LRMDA: variants seen among roughly 807,000 people sequenced by gnomAD.
The protein encoded by LRMDA is leucine-rich melanocyte differentiation-associated protein.
LRMDA carries 18 observed loss-of-function variants against 29.8 expected under a neutral mutation model. The ratio of observed to expected loss-of-function variants is 0.60; its 90% CI spans 0.42 to 0.90. The LOEUF is 0.90. Among genes scored for constraint, LRMDA ranks in the 40% least tolerant of loss-of-function variants. The probability of loss-of-function intolerance (pLI) is 0.00; values close to 1 mark genes in which losing one functional copy is unlikely to be tolerated. For missense variants in LRMDA, 273 were observed against 273.9 expected (o/e 1.00, Z 0.02); for synonymous variants, 125 against 109.4 (o/e 1.14, Z -0.89).
intron 2 of LRMDA, among the ~76,000 whole-genome samples, chr10:75,948,723 C>T (rs1006187449): frequency 2.0e-5 from 3 of 151,928 alleles, no homozygotes; most frequent in Non-Finnish European, 4.4e-5. Context: ...CCTTTTCTCC[C>T]CCTTCTGAGT....
intron 2 of LRMDA, among the ~76,000 whole-genome samples, chr10:75,760,845 G>T (rs1589190969): frequency 1.3e-5 from 2 of 152,198 alleles, no homozygotes; most frequent in African/African-American, 2.4e-5. Flanking sequence ...TGTTGGTGAT[G>T]GAGGAAAATC....
chr10:76,279,486 A>G (rs547669430), intron 5 of LRMDA, among the ~76,000 whole-genome samples: 1 of 151,886 alleles, frequency 6.6e-6, no homozygotes, highest in East Asian at 1.9e-4. Flanking sequence ...GAGATTTACT[A>G]TGCCAAAAGT....
chr10:75,974,942 TA>T (rs1201021457), intron 2 of LRMDA, among the ~76,000 whole-genome samples: 1 of 152,224 alleles, frequency 6.6e-6, no homozygotes, highest in Admixed American at 6.5e-5. Flanking sequence ...TTCACTTGTG[TA>T]TTTAAAAACC....
chr10:76,408,731 C>T (rs573384180), intron 6 of LRMDA, among the ~76,000 whole-genome samples: 9 of 152,218 alleles, frequency 5.9e-5, no homozygotes, highest in African/African-American at 1.9e-4. Flanking sequence ...CCTCCAAAGC[C>T]GCAGGACTCC....
At chr10:75,717,217 C>G (rs1842512080) in intron 2 of LRMDA, among the ~76,000 whole-genome samples, 1 of 152,134 alleles carries the variant, frequency 6.6e-6, no homozygotes, top group South Asian at 2.1e-4. Flanking sequence ...TTGGGGAGTC[C>G]CCCCCAGGGG....
chr10:76,538,227 C>T (rs1011589484), intron 6 of LRMDA, among the ~76,000 whole-genome samples: 1 of 151,804 alleles, frequency 6.6e-6, no homozygotes, highest in Non-Finnish European at 1.5e-5. Context: ...TCAGAGAAGT[C>T]CCTGTCCCAT....
rs529722093 is a variant in LRMDA at position 76,385,953 on chromosome 10, T to G, written c.601+61468T>G. Among the ~76,000 whole-genome samples the G allele has an allele frequency of 9.3e-4, 142 of 152,310 alleles. 3 individuals carry two copies. The highest frequency in any genetic ancestry group is 3.4e-3 in the African/African-American group (140 of 41,584). On this transcript the variant is annotated intron_variant, in intron 6 of 6. Transcript: ENST00000611255. ...TATATCTTAGTTGACTCATCTTGTTTCTGGTAAATTTTACTGTAACAAGTA... is the reference window on the plus strand; with the variant it reads ...TATATCTTAGTTGACTCATCTTGTTGCTGGTAAATTTTACTGTAACAAGTA...
rs190840050 is a variant in LRMDA at position 75,644,730 on chromosome 10, C to T, written c.131+206236C>T. Among the ~76,000 whole-genome samples, 219 of 152,258 alleles carry T rather than the reference C, an allele frequency of 1.4e-3. 1 individual carries two copies. The highest frequency in any genetic ancestry group is 2.3e-3 in the Non-Finnish European group (154 of 68,028). ...CACACTGGCCCTCTTCTATCCACTG[C>T]ATGCCGCCAACTGATTCTCTAGTTT... On this transcript the variant is annotated intron_variant, in intron 2 of 6. Coordinates refer to ENST00000611255, the MANE Select transcript of LRMDA (RefSeq NM_001305581.2).
chr10:76,201,297 A>G (rs978693052), intron 5 of LRMDA, among the ~76,000 whole-genome samples: 2 of 148,952 alleles, frequency 1.3e-5, no homozygotes, highest in Non-Finnish European at 3.0e-5. Context: ...GTTTCACCAT[A>G]TTGTCTGGGC....
At chr10:76,032,343 C>G (rs906041289) in intron 2 of LRMDA, among the ~76,000 whole-genome samples, 1 of 152,218 alleles carries the variant, frequency 6.6e-6, no homozygotes, top group African/African-American at 2.4e-5. Flanking sequence ...CACGCCTGTT[C>G]GGCGCTGCTG....
intron 2 of LRMDA, among the ~76,000 whole-genome samples, chr10:75,619,587 G>C (rs1288355055): frequency 6.6e-6 from 1 of 152,200 alleles, no homozygotes; most frequent in Non-Finnish European, 1.5e-5. Flanking sequence ...CCATGGTGTA[G>C]TGTTCATCTC....
chr10:75,930,924 C>T (rs1412899660), intron 2 of LRMDA, among the ~76,000 whole-genome samples: 1 of 152,206 alleles, frequency 6.6e-6, no homozygotes, highest in Admixed American at 6.5e-5. Flanking sequence ...TCTCCCAGTA[C>T]TGGGACATTT....
At chr10:76,468,900 A>G (rs1227522538) in intron 6 of LRMDA, among the ~76,000 whole-genome samples, 1 of 152,262 alleles carries the variant, frequency 6.6e-6, no homozygotes, top group African/African-American at 2.4e-5. Context: ...AGTGAGAAAG[A>G]GAGGGAAAGA....
chr10:75,866,197 C>T (rs1732893049), intron 2 of LRMDA, among the ~76,000 whole-genome samples: 1 of 152,186 alleles, frequency 6.6e-6, no homozygotes, highest in African/African-American at 2.4e-5. Context: ...GATGGAAAGG[C>T]TAGAGAGGGA....
At chr10:76,167,117 A>T (rs1850754734) in intron 5 of LRMDA, among the ~76,000 whole-genome samples, 1 of 152,064 alleles carries the variant, frequency 6.6e-6, no homozygotes, top group Admixed American at 6.6e-5. Context: ...TTCTTTTGAA[A>T]AGTGTCTGTG....
intron 6 of LRMDA, among the ~76,000 whole-genome samples, chr10:76,340,530 A>AAG: frequency 6.6e-6 from 1 of 150,970 alleles, no homozygotes; most frequent in East Asian, 1.9e-4. Context: ...AAAAAAAAAA[A>AAG]AAAAAAAGAG....
intron 2 of LRMDA, among the ~76,000 whole-genome samples, chr10:75,961,572 A>G (rs556320998): frequency 2.4e-4 from 37 of 152,336 alleles, no homozygotes; most frequent in African/African-American, 8.7e-4. Flanking sequence ...AGCCTGAAGC[A>G]TCGACTTTGA....
chr10:75,791,229 G>A (rs1401552914), intron 2 of LRMDA, among the ~76,000 whole-genome samples: 1 of 152,160 alleles, frequency 6.6e-6, no homozygotes, highest in Non-Finnish European at 1.5e-5. Flanking sequence ...TCTTAAAAGA[G>A]TTGGGATGGG....
At chr10:75,555,918 A>G (rs1840207611) in intron 2 of LRMDA, among the ~76,000 whole-genome samples, 2 of 152,202 alleles carry the variant, frequency 1.3e-5, no homozygotes, top group East Asian at 1.9e-4. Context: ...TATAATATCA[A>G]ACAAAAAAAT....
Sources: gnomAD v4.1 joint callset for allele counts (sites outside exome capture counted in the v4.1 genomes callset) on GRCh38, gnomAD v4.1.1 for gene constraint, MANE v1.5 for transcripts, NCBI Gene and HGNC (gene_info 2026-07-23, HGNC 2026-07-21) for gene names.